Variants in NRXN3 observed in about 807,000 individuals in gnomAD.
NRXN3 encodes the protein neurexin 3, also known as neurexin III.
A neutral mutation model predicts 137.6 loss-of-function variants in NRXN3; 32 were observed. That is an observed-to-expected ratio of 0.23 (90% CI 0.18 to 0.31). The LOEUF is 0.31. Ranked by LOEUF, NRXN3 falls within the 10% of genes least tolerant of loss-of-function variation. NRXN3 has a pLI of 1.00. For missense variants in NRXN3, 1,574 were observed against 2,062.5 expected (o/e 0.76, Z 4.59); for synonymous variants, 798 against 784.5 (o/e 1.02, Z -0.29).
At chr14:78,356,165 C>T (rs1313108786) in intron 4 of NRXN3, among the ~76,000 whole-genome samples, 1 of 152,226 alleles carries the variant, frequency 6.6e-6, no homozygotes, top group Non-Finnish European at 1.5e-5. Context: ...CCTCTCTCTT[C>T]TCTGATGATC....
At chr14:78,325,027 T>C (rs997164005) in intron 4 of NRXN3, among the ~76,000 whole-genome samples, 4 of 151,818 alleles carry the variant, frequency 2.6e-5, no homozygotes, top group Non-Finnish European at 5.9e-5. Flanking sequence ...AGGTCAGCAG[T>C]CAAGGACAGG....
intron 4 of NRXN3, among the ~76,000 whole-genome samples, chr14:78,436,158 C>T (rs1452450707): frequency 6.6e-6 from 1 of 152,070 alleles, no homozygotes; most frequent in African/African-American, 2.4e-5. Flanking sequence ...GTCAGGTGGG[C>T]AGCAGGTAGA....
chr14:79,065,403 G>T (rs2099679542), intron 15 of NRXN3, among the ~76,000 whole-genome samples: 1 of 152,096 alleles, frequency 6.6e-6, no homozygotes, highest in Non-Finnish European at 1.5e-5. Flanking sequence ...CTTTAGGGTG[G>T]AACTGGTGAG....
At chr14:79,490,363 C>T (rs2096704888) in intron 16 of NRXN3, among the ~76,000 whole-genome samples, 1 of 152,144 alleles carries the variant, frequency 6.6e-6, no homozygotes, top group Admixed American at 6.6e-5. Flanking sequence ...TATCTGCAGT[C>T]CTATGTTTGT....
intron 4 of NRXN3, among the ~76,000 whole-genome samples, chr14:78,559,217 G>T (rs2096765596): frequency 6.6e-6 from 1 of 152,028 alleles, no homozygotes; most frequent in South Asian, 2.1e-4. Flanking sequence ...ATATACCCTT[G>T]TAAGATATGT....
At position 78,613,578 on chromosome 14, in the gene NRXN3, GTTTTTTTTTTT is replaced by G. The variant is rs57745190; in HGVS notation, c.758-31527_758-31517del. On this transcript the variant is annotated intron_variant, in intron 4 of 20. Coordinates refer to ENST00000335750, the MANE Select transcript of NRXN3 (RefSeq NM_001330195.2). ...AGGAGAAAACTGTCTCACAACCATA[GTTTTTTTTTTT>G]TTTTTTTTTTTTTTCCCTTGGAAAG... Among the ~76,000 whole-genome samples, 10 of 95,108 alleles carry G rather than the reference GTTTTTTTTTTT, an allele frequency of 1.1e-4. No individual in the cohort carries two copies. In the East Asian group the frequency reaches 1.8e-3, roughly 17 times the overall value. The allele number at this position is 95,108 out of a possible 152,430, so 62.4% of individuals were successfully genotyped here.
intron 6 of NRXN3, among the ~76,000 whole-genome samples, chr14:78,664,404 C>T (rs959464139): frequency 6.6e-6 from 1 of 152,154 alleles, no homozygotes; most frequent in African/African-American, 2.4e-5. Context: ...TCCCATTCTC[C>T]TCTGCTCCAT....
At chr14:79,591,951 C>T (rs1036171251) in intron 16 of NRXN3, among the ~76,000 whole-genome samples, 1 of 152,032 alleles carries the variant, frequency 6.6e-6, no homozygotes, top group African/African-American at 2.4e-5. Flanking sequence ...CAATGAAAAT[C>T]TCAAATCTTA....
chr14:79,563,634 A>G (rs2097522564), intron 16 of NRXN3, among the ~76,000 whole-genome samples: 1 of 150,400 alleles, frequency 6.6e-6, no homozygotes, highest in African/African-American at 2.4e-5. Flanking sequence ...TTCCTATTCT[A>G]TCAGGGATGA....
chr14:78,414,850 A>G (rs560147217), intron 4 of NRXN3, among the ~76,000 whole-genome samples: 1 of 152,324 alleles, frequency 6.6e-6, no homozygotes, highest in South Asian at 2.1e-4. Context: ...ATTTATAATG[A>G]AGAAGTCTGA....
At chr14:79,274,888 A>T (rs996850693) in intron 15 of NRXN3, among the ~76,000 whole-genome samples, 1 of 152,216 alleles carries the variant, frequency 6.6e-6, no homozygotes, top group Non-Finnish European at 1.5e-5. Flanking sequence ...GATAAGTTAA[A>T]GAGGCAGAAG....
At chr14:79,824,018 A>AT (rs2099281425) in intron 20 of NRXN3, 6 of 391,744 alleles carry the variant, frequency 1.5e-5, no homozygotes, top group Non-Finnish European at 2.8e-5. Context: ...AGGAACACAG[A>AT]TGGAACACGA....
intron 4 of NRXN3, among the ~76,000 whole-genome samples, chr14:78,584,224 A>T (rs892801296): frequency 6.6e-6 from 1 of 152,158 alleles, no homozygotes; most frequent in African/African-American, 2.4e-5. Context: ...AGATATTTGT[A>T]GAGATTGTTG....
intron 15 of NRXN3, among the ~76,000 whole-genome samples, chr14:79,333,286 C>T (rs1288067412): frequency 6.6e-6 from 1 of 152,138 alleles, no homozygotes; most frequent in African/African-American, 2.4e-5. Context: ...TTCCTCTCCA[C>T]CTCCTCTCCC....
At chr14:79,632,418 C>A (rs2098363036) in intron 16 of NRXN3, 1 of 152,302 alleles carries the variant, frequency 6.6e-6, no homozygotes, top group Non-Finnish European at 1.5e-5. Context: ...TAGAAGGAGC[C>A]AGTGATAACA....
chr14:78,586,327 CAG>C (rs1191245530), intron 4 of NRXN3, among the ~76,000 whole-genome samples: 1 of 151,922 alleles, frequency 6.6e-6, no homozygotes, highest in Non-Finnish European at 1.5e-5. Flanking sequence ...AAGGAATAGC[CAG>C]AGAGGAAAGA....
chr14:79,596,445 A>G (rs1382459618), intron 16 of NRXN3, among the ~76,000 whole-genome samples: 1 of 152,084 alleles, frequency 6.6e-6, no homozygotes, highest in Admixed American at 6.5e-5. Flanking sequence ...AGGCCCTCAA[A>G]TGTGTTCTGA....
At chr14:78,866,623 T>C (rs1270572923) in intron 10 of NRXN3, among the ~76,000 whole-genome samples, 4 of 152,054 alleles carry the variant, frequency 2.6e-5, no homozygotes, top group Admixed American at 6.6e-5. Context: ...CATAATGAAA[T>C]AGTGTTCCTA....
chr14:79,716,065 C>T (rs1239321834), intron 19 of NRXN3, among the ~76,000 whole-genome samples: 1 of 152,190 alleles, frequency 6.6e-6, no homozygotes, highest in East Asian at 1.9e-4. Context: ...ATTATTATGA[C>T]TCATGACAAA....
Sources: gnomAD v4.1 joint callset for allele counts (sites outside exome capture counted in the v4.1 genomes callset) on GRCh38, gnomAD v4.1.1 for gene constraint, MANE v1.5 for transcripts, NCBI Gene and HGNC (gene_info 2026-07-23, HGNC 2026-07-21) for gene names.